Variants in USP15 observed in about 807,000 individuals in gnomAD.
The protein encoded by USP15 is ubiquitin specific peptidase 15, also known as ubiquitin carboxyl-terminal hydrolase 15.
Under a neutral mutation model 127.1 loss-of-function variants are expected in USP15, and 18 were observed. The ratio of observed to expected loss-of-function variants is 0.14; its 90% CI spans 0.10 to 0.21. The LOEUF (loss-of-function observed/expected upper bound fraction) is 0.21, where lower values mean the gene tolerates loss of function less well. Among genes scored for constraint, USP15 ranks in the 10% least tolerant of loss-of-function variants. The probability of loss-of-function intolerance (pLI) is 1.00; values close to 1 mark genes in which losing one functional copy is unlikely to be tolerated. For synonymous variants in USP15, 364 were observed against 393.7 expected, an observed-to-expected ratio of 0.92 and a Z score of 0.89; for missense variants, 805 against 1,159.9, an observed-to-expected ratio of 0.69 and a Z score of 4.44.
intron 8 of USP15, among the ~76,000 whole-genome samples, chr12:62,370,445 G>T (rs1332566375): frequency 1.3e-5 from 2 of 152,126 alleles, no homozygotes; most frequent in African/African-American, 4.8e-5. Flanking sequence ...TCAAAGCATG[G>T]ATTTTGGAAC....
intron 8 of USP15, among the ~76,000 whole-genome samples, chr12:62,365,091 T>G (rs1045917358): frequency 6.6e-6 from 1 of 152,190 alleles, no homozygotes; most frequent in African/African-American, 2.4e-5. Context: ...GATTGCTGGG[T>G]CAAATGGTAT....
rs1306437198 is a variant in USP15, at chr12:62,412,869, A to T, written c.*8494A>T. 1 of 152,232 alleles carries T rather than the reference A, an allele frequency of 6.6e-6. No individual in the cohort carries two copies. Among genetic ancestry groups the T allele is most frequent in the Non-Finnish European group, 1.5e-5 (1 of 68,040 alleles). 9.4% of individuals were successfully genotyped at this position (152,232 alleles called of 1,614,324 possible). On this transcript the variant is annotated 3_prime_UTR_variant, in exon 22 of 22. Coordinates refer to ENST00000280377, the MANE Select transcript of USP15 (RefSeq NM_001252078.2). ...TAATGTTGATATTTTGACTCCCATG[A>T]ATCACAAATATTCTGAATGAATGGC...
At chr12:62,388,501 T>C (rs2067226739) in intron 11 of USP15, among the ~76,000 whole-genome samples, 2 of 152,196 alleles carry the variant, frequency 1.3e-5, no homozygotes, top group Admixed American at 1.3e-4. Flanking sequence ...GCAGAATTAT[T>C]TCTGAGTACT....
chr12:62,277,461 A>G (rs1362330010), intron 1 of USP15: 1 of 152,178 alleles, frequency 6.6e-6, no homozygotes, highest in African/African-American at 2.4e-5. Flanking sequence ...AAATATAGAA[A>G]AAGAACAGTA....
At chr12:62,328,256 T>C (rs775015406) in intron 6 of USP15, 16 of 448,690 alleles carry the variant, frequency 3.6e-5, no homozygotes, top group Middle Eastern at 3.4e-4. Flanking sequence ...GTTTTTTCTA[T>C]ACCGAGAGAT....
chr12:62,307,955 A>G lies in USP15; in HGVS notation c.348+5035A>G, dbSNP rs183471723. ...AGACCACATACACATAACCTTTATT[A>G]TAGTATATTGTTCTAATTGTTCTAT... On this transcript the variant is annotated intron_variant, in intron 3 of 21. Coordinates refer to ENST00000280377, the MANE Select transcript of USP15 (RefSeq NM_001252078.2). Among the ~76,000 whole-genome samples the G allele has an allele frequency of 2.8e-3, 421 of 152,214 alleles. 1 individual carries two copies. Among genetic ancestry groups the G allele is most frequent in the African/African-American group, 9.6e-3 (399 of 41,530 alleles).
At chr12:62,364,404 A>G (rs528512742) in intron 8 of USP15, among the ~76,000 whole-genome samples, 4 of 152,246 alleles carry the variant, frequency 2.6e-5, no homozygotes, top group East Asian at 1.9e-4. Context: ...TTTTCCAACA[A>G]TGTTCAGTTG....
chr12:62,262,142 G>A (rs2063083273), intron 1 of USP15, among the ~76,000 whole-genome samples: 1 of 152,114 alleles, frequency 6.6e-6, no homozygotes, highest in Non-Finnish European at 1.5e-5. Context: ...GGAGGCTGAG[G>A]TGGGAGGATT....
intron 8 of USP15, among the ~76,000 whole-genome samples, chr12:62,371,389 C>G (rs1412020157): frequency 6.6e-6 from 1 of 152,002 alleles, no homozygotes; most frequent in Non-Finnish European, 1.5e-5. Flanking sequence ...TTTTATATCC[C>G]CAGTGTTAGT....
At chr12:62,262,675 G>A (rs1008925412) in intron 1 of USP15, among the ~76,000 whole-genome samples, 4 of 152,052 alleles carry the variant, frequency 2.6e-5, no homozygotes, top group East Asian at 1.9e-4. Context: ...GTGTGTGTGC[G>A]TGTATAGCTG....
chr12:62,415,292 CCTTTTTTGTT>C lies in USP15; in HGVS notation c.*10920_*10929del, dbSNP rs1320941799. ...GCAAGAGAAATTATCCTTACTTGAG[CCTTTTTTGTT>C]CTATTCAGGCCTTCAATTCATGAGA... On this transcript the variant is annotated 3_prime_UTR_variant, in exon 22 of 22. Transcript: ENST00000280377. 1 of 152,176 alleles carries C rather than the reference CCTTTTTTGTT, an allele frequency of 6.6e-6. No individual in the cohort carries two copies. The highest frequency in any genetic ancestry group is 2.4e-5 in the African/African-American group (1 of 41,426). 9.4% of individuals were successfully genotyped at this position (152,176 alleles called of 1,614,324 possible). A position where few individuals can be genotyped will look rare whatever the true frequency, so the allele number is the denominator to read the frequency against.
At chr12:62,398,842 C>T (rs890898237) in intron 20 of USP15, among the ~76,000 whole-genome samples, 1 of 152,054 alleles carries the variant, frequency 6.6e-6, no homozygotes, top group Non-Finnish European at 1.5e-5. Context: ...CATTTTATTC[C>T]TGAGAGGAAT....
rs571030656 is a variant in USP15, at chr12:62,407,677, A to G, written c.*3302A>G. The G allele has an allele frequency of 2.6e-5, 4 of 151,458 alleles. No homozygotes were observed. The East Asian group carries it at 5.8e-4, about 22-fold the overall frequency. 9.4% of individuals were successfully genotyped at this position (151,458 alleles called of 1,614,324 possible). ...ATCTAACTTGTGTCCCCTTCTTTCC[A>G]TTTCCCCAAATGCAACCCTGAATTT... is the stretch of plus-strand genomic sequence containing the variant. On this transcript the variant is annotated 3_prime_UTR_variant, in exon 22 of 22. Coordinates refer to ENST00000280377, the MANE Select transcript of USP15 (RefSeq NM_001252078.2).
At chr12:62,336,189 C>G in intron 6 of USP15, 2 of 985,350 alleles carry the variant, frequency 2.0e-6, no homozygotes, top group Non-Finnish European at 2.4e-6. Context: ...CTATGCTAAT[C>G]CTCTCCCCCA....
In USP15 at chr12:62,325,597, G is replaced by A. The variant is rs79348362; in HGVS notation, c.622-275G>A. 2.7e-3 allele frequency among the ~76,000 whole-genome samples: 403 copies of A among 152,024 alleles called. 4 individuals are homozygous for A. The highest frequency in any genetic ancestry group is 9.0e-3 in the African/African-American group (372 of 41,510). On this transcript the variant is annotated intron_variant, in intron 5 of 21. Transcript: ENST00000280377. ...TTTATATTCTGTTTACTTGGTTTAA[G>A]TTTTCTTATACTTAATGGAACCAAT...
intron 6 of USP15, among the ~76,000 whole-genome samples, chr12:62,345,220 T>C (rs973703473): frequency 6.6e-6 from 1 of 152,206 alleles, no homozygotes; most frequent in Non-Finnish European, 1.5e-5. Flanking sequence ...GGTTTGCTGC[T>C]TAGATTTCTT....
At position 62,414,127 on chromosome 12, in the gene USP15, C is replaced by A. The variant is rs1027711355; in HGVS notation, c.*9752C>A. 6.6e-6 allele frequency: 1 copy of A among 152,252 alleles called. No homozygotes were observed. Among genetic ancestry groups the A allele is most frequent in the Admixed American group, 6.5e-5 (1 of 15,280 alleles). The allele number at this position is 152,252 out of a possible 1,614,324, so 9.4% of individuals were successfully genotyped here. A position where few individuals can be genotyped will look rare whatever the true frequency, so the allele number is the denominator to read the frequency against. Reference sequence around the variant, plus strand: ...ACATCAAAGATTACTGATCACAGATCACCGTAACAGATACAATAATAATGA... The same window carrying A: ...ACATCAAAGATTACTGATCACAGATAACCGTAACAGATACAATAATAATGA... On this transcript the variant is annotated 3_prime_UTR_variant, in exon 22 of 22. Coordinates refer to ENST00000280377, the MANE Select transcript of USP15 (RefSeq NM_001252078.2).
chr12:62,356,821 A>C (rs1277315308), intron 8 of USP15, among the ~76,000 whole-genome samples: 1 of 152,072 alleles, frequency 6.6e-6, no homozygotes, highest in African/African-American at 2.4e-5. Flanking sequence ...CCTAATAGTT[A>C]AATAACAAAG....
chr12:62,304,800 T>C (rs2064426801), intron 3 of USP15: 2 of 402,826 alleles, frequency 5.0e-6, no homozygotes, highest in South Asian at 3.6e-5. Flanking sequence ...ATTGAGTTAG[T>C]AGATTTTAGA....
Sources: allele counts gnomAD v4.1 joint callset (sites outside exome capture counted in the v4.1 genomes callset), GRCh38; gene constraint gnomAD v4.1.1; transcripts MANE v1.5; gene names NCBI Gene and HGNC (gene_info 2026-07-23, HGNC 2026-07-21).